Variants in MYO1H observed in about 807,000 individuals in gnomAD.
MYO1H encodes myosin IH.
In MYO1H, 118 loss-of-function variants were observed where a neutral mutation model predicts 149.3. The observed-to-expected ratio is 0.79, with a 90% CI of 0.68 to 0.92. The LOEUF (loss-of-function observed/expected upper bound fraction) is 0.92. MYO1H is among the 40% of genes least tolerant of loss of function. The pLI is 0.00. For missense variants in MYO1H, 1,212 were observed against 1,280.7 expected, an observed-to-expected ratio of 0.95 and a Z score of 0.82; for synonymous variants, 447 against 465.2, an observed-to-expected ratio of 0.96 and a Z score of 0.50.
the MYO1H span, among the ~76,000 whole-genome samples, chr12:109,326,000 G>A: frequency 6.6e-6 from 1 of 152,144 alleles, no homozygotes; most frequent in Non-Finnish European, 1.5e-5. Flanking sequence ...ATTCTTTAAG[G>A]CTTACACAAG....
intron 2 of MYO1H, among the ~76,000 whole-genome samples, chr12:109,390,485 A>G (rs1014618273): frequency 6.6e-6 from 1 of 152,028 alleles, no homozygotes; most frequent in African/African-American, 2.4e-5. Context: ...TTGTTTATTC[A>G]TAATTGTATT....
chr12:109,363,550 T>C (rs1406981680), intron 1 of MYO1H, among the ~76,000 whole-genome samples: 1 of 151,506 alleles, frequency 6.6e-6, no homozygotes, highest in East Asian at 2.0e-4. Flanking sequence ...CCAACTCTAC[T>C]AAAAATACAA....
intron 10 of MYO1H, among the ~76,000 whole-genome samples, chr12:109,409,243 C>CTTTTTTTTTTTTTTTTTTTTTTT (rs1870546238): frequency 1.7e-5 from 1 of 59,070 alleles, no homozygotes; most frequent in Non-Finnish European, 3.4e-5. Context: ...TCTTCTTCTT[C>CTTTTTTTTTTTTTTTTTTTTTTT]TTCTTTTTTT....
intron 1 of MYO1H, among the ~76,000 whole-genome samples, chr12:109,388,361 C>G (rs1344775077): frequency 2.0e-5 from 3 of 152,120 alleles, no homozygotes; most frequent in Non-Finnish European, 4.4e-5. Context: ...ATTCCTATGC[C>G]TCAGTTTTCT....
At chr12:109,362,241 C>T (rs1868769771) in intron 1 of MYO1H, among the ~76,000 whole-genome samples, 1 of 152,170 alleles carries the variant, frequency 6.6e-6, no homozygotes, top group Admixed American at 6.5e-5. Context: ...TGAGAGAAGG[C>T]AGGACTCCGT....
intron 26 of MYO1H, among the ~76,000 whole-genome samples, chr12:109,441,998 G>A (rs910500654): frequency 1.3e-5 from 2 of 152,154 alleles, no homozygotes; most frequent in African/African-American, 4.8e-5. Flanking sequence ...AGTGAGCCGA[G>A]ATCATGCCAC....
intron 1 of MYO1H, among the ~76,000 whole-genome samples, chr12:109,350,994 A>G (rs1868451160): frequency 1.0e-5 from 1 of 97,110 alleles, no homozygotes; most frequent in South Asian, 2.8e-4. Flanking sequence ...AACAACCACC[A>G]TCAGTAATTA....
At chr12:109,390,659 T>C (rs1282997524) in intron 2 of MYO1H, among the ~76,000 whole-genome samples, 1 of 150,926 alleles carries the variant, frequency 6.6e-6, no homozygotes, top group African/African-American at 2.4e-5. Flanking sequence ...TGTTTTCTTG[T>C]TTGTTTGTTT....
intron 10 of MYO1H, 89 bp from the exon 11 acceptor site, chr12:109,409,468 G>A: frequency 4.5e-6 from 5 of 1,121,200 alleles, no homozygotes; most frequent in Admixed American, 1.7e-5. Context: ...GAGCTTTAGC[G>A]CCAAGTCCCA....
chr12:109,390,951 G>A (rs540275987), intron 2 of MYO1H, among the ~76,000 whole-genome samples: 4 of 152,218 alleles, frequency 2.6e-5, no homozygotes, highest in East Asian at 1.9e-4. Context: ...TACTGTGCCC[G>A]GCCCACCCAT....
At chr12:109,401,333 TA>T in intron 6 of MYO1H, 61 bp downstream of exon 6, 1 of 1,504,764 alleles carries the variant, frequency 6.6e-7, no homozygotes, top group South Asian at 1.3e-5. Context: ...GAGATGTTTC[TA>T]CGTGCTGCTG....
chr12:109,322,347 A>C, the MYO1H span, among the ~76,000 whole-genome samples: 1 of 152,280 alleles, frequency 6.6e-6, no homozygotes, highest in South Asian at 2.1e-4. Context: ...CTGGCCTCTG[A>C]GTCACCAGTC....
intron 1 of MYO1H, among the ~76,000 whole-genome samples, chr12:109,378,663 T>C (rs1034612494): frequency 1.3e-5 from 2 of 152,190 alleles, no homozygotes; most frequent in African/African-American, 4.8e-5. Context: ...GGGTTCTAAA[T>C]TGTTTACTTC....
At chr12:109,412,913 G>A (rs914254875) in intron 14 of MYO1H, among the ~76,000 whole-genome samples, 1 of 152,040 alleles carries the variant, frequency 6.6e-6, no homozygotes, top group African/African-American at 2.4e-5. Flanking sequence ...AGCCTCCCAA[G>A]TAGCTGGGAT....
At chr12:109,379,121 A>G (rs1038180772) in intron 1 of MYO1H, among the ~76,000 whole-genome samples, 2 of 152,242 alleles carry the variant, frequency 1.3e-5, no homozygotes, top group Non-Finnish European at 2.9e-5. Context: ...TCAGTTCCTC[A>G]GCCTCACCAC....
chr12:109,423,131 A>G (rs1871242510), intron 16 of MYO1H, among the ~76,000 whole-genome samples: 1 of 152,062 alleles, frequency 6.6e-6, no homozygotes, highest in African/African-American at 2.4e-5. Context: ...GTAAACATAC[A>G]TAACAAAATT....
intron 12 of MYO1H, 28 bp downstream of exon 12, chr12:109,410,096 C>A: frequency 8.5e-7 from 1 of 1,178,210 alleles, no homozygotes; most frequent in Non-Finnish European, 1.2e-6. Flanking sequence ...TTCTCCTCAT[C>A]TGATTTCTTC....
chr12:109,316,471 G>A, the MYO1H span, among the ~76,000 whole-genome samples: 3 of 152,198 alleles, frequency 2.0e-5, no homozygotes, highest in Admixed American at 6.5e-5. Flanking sequence ...TGAGGTGAAC[G>A]TGAAACCAGG....
At chr12:109,346,630 G>A (rs538672462), upstream of MYO1H, among the ~76,000 whole-genome samples, 40 of 151,770 alleles carry the variant, frequency 2.6e-4, 1 homozygote, top group South Asian at 7.3e-3. Flanking sequence ...GCGTTGTGGC[G>A]GGTGCCTTGT....
Sources: allele counts gnomAD v4.1 joint callset (sites outside exome capture counted in the v4.1 genomes callset), GRCh38; gene constraint gnomAD v4.1.1; transcripts MANE v1.5; gene names NCBI Gene and HGNC (gene_info 2026-07-23, HGNC 2026-07-21).